The following EDIL3 variants were observed in gnomAD, a reference collection of about 807,000 sequenced individuals.
EDIL3 encodes EGF-like repeat and discoidin I-like domain-containing protein 3.
EDIL3 carries 37 observed loss-of-function variants against 67.4 expected under a neutral mutation model. The ratio of observed to expected loss-of-function variants is 0.55; its 90% confidence interval spans 0.42 to 0.72. The LOEUF is 0.72. EDIL3 is among the 30% of genes least tolerant of loss of function. The probability of loss-of-function intolerance (pLI) is 0.00; values close to 1 mark genes in which losing one functional copy is unlikely to be tolerated. For synonymous variants in EDIL3, 195 were observed against 196.3 expected, an observed-to-expected ratio of 0.99 and a Z score of 0.05; for missense variants, 527 against 586.3, an observed-to-expected ratio of 0.90 and a Z score of 1.04.
At position 84,252,449 on chromosome 5, in the gene EDIL3, G is replaced by C. The variant is rs190480569; in HGVS notation, c.196+1635C>G. Among the ~76,000 whole-genome samples the C allele has an allele frequency of 2.7e-3, 341 of 124,948 alleles. 1 individual carries two copies. The highest frequency in any genetic ancestry group is 9.8e-3 in the African/African-American group (317 of 32,290). 82.0% of individuals were successfully genotyped at this position (124,948 alleles called of 152,430 possible). Reference sequence around the variant, plus strand: ...GCGGAGCTTGCAGCGAGCTGAGATCGTGCCAGTGCACCCCAGCCTGTGCGA... The same window carrying C: ...GCGGAGCTTGCAGCGAGCTGAGATCCTGCCAGTGCACCCCAGCCTGTGCGA... On this transcript the variant is annotated intron_variant, in intron 2 of 10. Coordinates refer to ENST00000296591, the MANE Select transcript of EDIL3 (RefSeq NM_005711.5).
intron 4 of EDIL3, among the ~76,000 whole-genome samples, chr5:84,179,623 C>T (rs1431957976): frequency 6.6e-6 from 1 of 152,138 alleles, no homozygotes; most frequent in Non-Finnish European, 1.5e-5. Flanking sequence ...TTGCCTATTC[C>T]TTCCCCACTC....
At chr5:84,037,604 C>T (rs545442595) in intron 9 of EDIL3, among the ~76,000 whole-genome samples, 2 of 152,150 alleles carry the variant, frequency 1.3e-5, no homozygotes, top group African/African-American at 4.8e-5. Flanking sequence ...AATAAAACTT[C>T]CTAAAGAGAT....
intron 9 of EDIL3, among the ~76,000 whole-genome samples, chr5:83,974,726 T>C (rs1358843093): frequency 6.6e-6 from 1 of 152,024 alleles, no homozygotes; most frequent in African/African-American, 2.4e-5. Context: ...TCTCACTGAA[T>C]ACCCATAAAA....
chr5:83,994,933 T>C lies in EDIL3; in HGVS notation c.1138-31573A>G, dbSNP rs569465465. Among the ~76,000 whole-genome samples the C allele has an allele frequency of 2.7e-5, 4 of 150,352 alleles. No individual in the cohort carries two copies. In the South Asian group the frequency reaches 8.3e-4, roughly 31 times the overall value. On this transcript the variant is annotated intron_variant, in intron 9 of 10. Transcript: ENST00000296591. ...CATATATATTTCAATAGACAAACAGTATGTGAAAAATGCTCTTTTCCATTG... is the reference window on the plus strand; with the variant it reads ...CATATATATTTCAATAGACAAACAGCATGTGAAAAATGCTCTTTTCCATTG...
intron 2 of EDIL3, among the ~76,000 whole-genome samples, chr5:84,247,666 C>A (rs1211237980): frequency 1.3e-5 from 2 of 151,608 alleles, no homozygotes; most frequent in African/African-American, 4.8e-5. Context: ...ATATCATTAC[C>A]AAAGGGAAAT....
chr5:84,190,290 T>C (rs1326106278), intron 3 of EDIL3, among the ~76,000 whole-genome samples: 1 of 151,952 alleles, frequency 6.6e-6, no homozygotes, highest in Non-Finnish European at 1.5e-5. Flanking sequence ...AAAGTCTTTC[T>C]TTTTAGATCA....
chr5:84,079,821 A>G (rs1394348123), intron 6 of EDIL3, among the ~76,000 whole-genome samples: 1 of 149,570 alleles, frequency 6.7e-6, no homozygotes. Flanking sequence ...GTTAAAAAGC[A>G]CAGTTAAAAA....
At chr5:84,304,673 T>C (rs1388521264) in intron 1 of EDIL3, among the ~76,000 whole-genome samples, 2 of 152,218 alleles carry the variant, frequency 1.3e-5, no homozygotes, top group Admixed American at 1.3e-4. Flanking sequence ...TGATGAATGA[T>C]ACATATTGTC....
At chr5:84,111,177 C>T (rs1747558422) in intron 5 of EDIL3, among the ~76,000 whole-genome samples, 1 of 152,126 alleles carries the variant, frequency 6.6e-6, no homozygotes, top group Non-Finnish European at 1.5e-5. Flanking sequence ...CCTGAAGCCT[C>T]CCAGCCATGC....
intron 9 of EDIL3, among the ~76,000 whole-genome samples, chr5:83,982,380 T>A (rs1744985176): frequency 6.6e-6 from 1 of 152,128 alleles, no homozygotes; most frequent in Non-Finnish European, 1.5e-5. Context: ...ATGTAAGGGC[T>A]CTAAGCATTT....
In EDIL3 at chr5:84,106,639, C is replaced by T; in HGVS notation, c.651+10G>A. On this transcript the variant is annotated intron_variant, in intron 6 of 10. Coordinates refer to ENST00000296591, the MANE Select transcript of EDIL3 (RefSeq NM_005711.5). Reference sequence around the variant, plus strand: ...TTATAACATTAACCTTGTCCCATCCCATCTGTTACCTGAATCCACGGCCAT... The same window carrying T: ...TTATAACATTAACCTTGTCCCATCCTATCTGTTACCTGAATCCACGGCCAT... 3 of 1,593,070 alleles carry T rather than the reference C, an allele frequency of 1.9e-6. No homozygotes were observed. Among genetic ancestry groups the T allele is most frequent in the Non-Finnish European group, 2.6e-6 (3 of 1,172,064 alleles).
chr5:84,151,441 T>A (rs1317858367), intron 4 of EDIL3, among the ~76,000 whole-genome samples: 1 of 152,112 alleles, frequency 6.6e-6, no homozygotes, highest in Non-Finnish European at 1.5e-5. Context: ...GCAGGTCTTA[T>A]GGGAGAGACT....
chr5:84,028,671 C>G (rs556765137), intron 9 of EDIL3, among the ~76,000 whole-genome samples: 2 of 151,898 alleles, frequency 1.3e-5, no homozygotes, highest in Non-Finnish European at 2.9e-5. Flanking sequence ...TCTAAACATA[C>G]AAACACATAT....
intron 1 of EDIL3, among the ~76,000 whole-genome samples, chr5:84,355,720 C>T (rs559862915): frequency 1.3e-3 from 198 of 152,218 alleles, no homozygotes; most frequent in Non-Finnish European, 1.9e-3. Context: ...AGGTGTCTGT[C>T]GACCCCTGCC....
chr5:84,282,468 T>A (rs925637946), intron 1 of EDIL3, among the ~76,000 whole-genome samples: 5 of 152,220 alleles, frequency 3.3e-5, no homozygotes, highest in Non-Finnish European at 5.9e-5. Flanking sequence ...AGTTGCTTTA[T>A]AGCATTTTAT....
At chr5:84,012,196 A>C (rs1379298081) in intron 9 of EDIL3, among the ~76,000 whole-genome samples, 1 of 152,248 alleles carries the variant, frequency 6.6e-6, no homozygotes. Flanking sequence ...CGTGATACAG[A>C]GTTAGACAGA....
intron 9 of EDIL3, among the ~76,000 whole-genome samples, chr5:84,059,218 C>T (rs999578057): frequency 6.6e-6 from 1 of 151,480 alleles, no homozygotes; most frequent in African/African-American, 2.4e-5. Flanking sequence ...TTGAGCAACA[C>T]AGTGAGACAC....
chr5:84,020,993 C>T (rs1230348813), intron 9 of EDIL3, among the ~76,000 whole-genome samples: 1 of 151,942 alleles, frequency 6.6e-6, no homozygotes, highest in Non-Finnish European at 1.5e-5. Flanking sequence ...ATTACACATA[C>T]TTTTAAAAAG....
intron 3 of EDIL3, among the ~76,000 whole-genome samples, chr5:84,202,813 G>A (rs950658824): frequency 1.3e-5 from 2 of 152,126 alleles, no homozygotes; most frequent in East Asian, 1.9e-4. Context: ...CTATGAACTG[G>A]TAATTCTTCT....
Sources: allele counts gnomAD v4.1 joint callset (sites outside exome capture counted in the v4.1 genomes callset), GRCh38; gene constraint gnomAD v4.1.1; transcripts MANE v1.5; gene names NCBI Gene and HGNC (gene_info 2026-07-23, HGNC 2026-07-21).